Variants in TXNDC16 observed in about 807,000 individuals in gnomAD.
TXNDC16 encodes thioredoxin domain-containing protein 16.
In TXNDC16, 74 loss-of-function variants were observed where a neutral mutation model predicts 85.6. That is an observed-to-expected ratio of 0.86 (90% confidence interval 0.72 to 1.05). TXNDC16 has a LOEUF of 1.05. TXNDC16 is among the 50% of genes least tolerant of loss of function. The pLI is 0.00. For missense variants in TXNDC16, 959 were observed against 947.0 expected (o/e 1.01, Z -0.17); for synonymous variants, 335 against 326.5 (o/e 1.03, Z -0.28).
At chr14:52,469,404 T>C (rs2035851132) in intron 16 of TXNDC16, among the ~76,000 whole-genome samples, 1 of 151,830 alleles carries the variant, frequency 6.6e-6, no homozygotes, top group South Asian at 2.1e-4. Context: ...TCACCAAATA[T>C]TATGTAGCCA....
At chr14:52,440,751 TA>T in intron 18 of TXNDC16, 27 bp from the exon 19 acceptor site, 2 of 1,595,732 alleles carry the variant, frequency 1.3e-6, no homozygotes, top group Non-Finnish European at 8.5e-7. Context: ...ATAACAACAA[TA>T]AAAAATGCAT....
chr14:52,432,388 C>G lies in TXNDC16; in HGVS notation c.2394G>C (p.Lys798Asn). 2.5e-6 allele frequency: 4 copies of G among 1,613,956 alleles called. No individual in the cohort carries two copies. Among genetic ancestry groups the G allele is most frequent in the Non-Finnish European group, 3.4e-6 (4 of 1,179,938 alleles). The part of the protein sequence containing the change: ...RKEPIETLRI[K>N]HWNRSNWFKE... ...TAAACCAATTACTTCTATTCCAATG[C>G]TTTATTCTCAGAGTTTCAATCGGTT... The change falls in exon 21 of 21, where the codon AAG becomes AAC. Residue 798 changes from lysine to asparagine, a missense_variant. By Grantham distance (94) the Lys-to-Asn change is moderately conservative. Transcript: ENST00000281741.
Position 52,439,327 on chromosome 14 carries a change from G to GAA in TXNDC16, c.2069_2070dup (p.Leu691PhefsTer5). On this transcript the variant is annotated frameshift_variant, in exon 20 of 21. Transcript: ENST00000281741. LOFTEE classifies it high-confidence loss of function. ...CCTGAATGCAGATTCACCAAAACAA[G>GAA]AAGAGGAAGGGGAGGCAGAGGATCA... 1 of 1,614,042 alleles carries GAA rather than the reference G, an allele frequency of 6.2e-7. No individual in the cohort carries two copies. Among genetic ancestry groups the GAA allele is most frequent in the Non-Finnish European group, 8.5e-7 (1 of 1,179,972 alleles).
rs1186277277 is a variant in TXNDC16 at position 52,455,412 on chromosome 14, G to A, written c.1754C>T (p.Thr585Ile). ...TGGGATGCTCTCTATTTTGCCTTCT[G>A]TGTGTCTGGCAAGCAGCAGGGCTGG... is the stretch of plus-strand genomic sequence containing the variant. ...SLPALLLARH[T>I]EGKIESIPLA... The change falls in exon 18 of 21, where the codon ACA (threonine) becomes ATA (isoleucine). Residue 585 changes from threonine (T) to isoleucine (I), a missense_variant. Thr to Ile is a moderately conservative substitution (Grantham distance 89, BLOSUM62 -1). Coordinates refer to ENST00000281741, the MANE Select transcript of TXNDC16 (RefSeq NM_020784.3). The A allele has an allele frequency of 6.2e-7, 1 of 1,614,014 alleles. No individual in the cohort carries two copies. The highest frequency in any genetic ancestry group is 2.2e-5 in the East Asian group (1 of 44,878).
At chr14:52,548,426 A>G (rs532307847) in intron 1 of TXNDC16, among the ~76,000 whole-genome samples, 2 of 152,128 alleles carry the variant, frequency 1.3e-5, no homozygotes, top group Non-Finnish European at 2.9e-5. Context: ...TAATCACAAG[A>G]AACACTGCGC....
In TXNDC16 at chr14:52,502,540, A is replaced by C. The variant is rs543428077; in HGVS notation, c.756+8700T>G. 3.3e-5 allele frequency among the ~76,000 whole-genome samples: 5 copies of C among 152,336 alleles called. No homozygotes were observed. The South Asian group carries it at 6.2e-4, about 19-fold the overall frequency. On this transcript the variant is annotated intron_variant, in intron 9 of 20. Transcript: ENST00000281741. Reference sequence around the variant, plus strand: ...AAAACCACACTTAACTGAAGTCATTATGAAGTTTCCAAAGCTTTGGTTTTT... The same window carrying C: ...AAAACCACACTTAACTGAAGTCATTCTGAAGTTTCCAAAGCTTTGGTTTTT...
At chr14:52,502,327 A>G (rs2036677746) in intron 9 of TXNDC16, among the ~76,000 whole-genome samples, 1 of 152,234 alleles carries the variant, frequency 6.6e-6, no homozygotes, top group Non-Finnish European at 1.5e-5. Context: ...CCTACTCCAG[A>G]CTTTGATTAA....
intron 16 of TXNDC16, among the ~76,000 whole-genome samples, chr14:52,467,428 A>G (rs1202994861): frequency 6.6e-6 from 1 of 152,202 alleles, no homozygotes; most frequent in Non-Finnish European, 1.5e-5. Context: ...ATTTAAAAAC[A>G]GGCAAAGGAG....
At chr14:52,488,844 A>AAAAAAAAAAC (rs2036337321) in intron 11 of TXNDC16, among the ~76,000 whole-genome samples, 2 of 151,830 alleles carry the variant, frequency 1.3e-5, no homozygotes, top group Non-Finnish European at 2.9e-5. Flanking sequence ...AAAAAAAAAA[A>AAAAAAAAAAC]AAAAACAAGT....
chr14:52,469,801 C>A (rs2035860767), intron 16 of TXNDC16, among the ~76,000 whole-genome samples: 1 of 151,970 alleles, frequency 6.6e-6, no homozygotes, highest in African/African-American at 2.4e-5. Context: ...AGTTTTAGCC[C>A]AATTATGTTA....
intron 14 of TXNDC16, among the ~76,000 whole-genome samples, chr14:52,480,586 A>G (rs563564969): frequency 5.2e-4 from 79 of 152,202 alleles, no homozygotes; most frequent in African/African-American, 1.8e-3. Context: ...AACAACACCA[A>G]TGATCAGGGA....
intron 9 of TXNDC16, among the ~76,000 whole-genome samples, chr14:52,504,100 T>C (rs1319604959): frequency 1.3e-5 from 2 of 152,186 alleles, no homozygotes; most frequent in Non-Finnish European, 2.9e-5. Flanking sequence ...CTGACTGGTA[T>C]ACCTGAAAGT....
chr14:52,456,752 A>C (rs1015902862), intron 17 of TXNDC16, among the ~76,000 whole-genome samples: 1 of 152,190 alleles, frequency 6.6e-6, no homozygotes, highest in Non-Finnish European at 1.5e-5. Context: ...GGGGGTAAAT[A>C]AAACCTCAGA....
intron 4 of TXNDC16, among the ~76,000 whole-genome samples, chr14:52,540,800 A>T (rs952304307): frequency 1.3e-5 from 2 of 152,244 alleles, no homozygotes; most frequent in East Asian, 3.8e-4. Flanking sequence ...CCAAAAGAAG[A>T]TTAAATATGG....
At chr14:52,528,874 T>G (rs889519440) in intron 6 of TXNDC16, among the ~76,000 whole-genome samples, 1 of 117,492 alleles carries the variant, frequency 8.5e-6, no homozygotes, top group East Asian at 2.0e-4. Context: ...TAATACCTAT[T>G]ATATATATTA....
chr14:52,458,108 A>C (rs2035574401), intron 16 of TXNDC16, among the ~76,000 whole-genome samples: 1 of 152,222 alleles, frequency 6.6e-6, no homozygotes, highest in South Asian at 2.1e-4. Context: ...TCATGATGTA[A>C]GCATTCAACA....
intron 6 of TXNDC16, among the ~76,000 whole-genome samples, chr14:52,530,343 ATATAT>A (rs1340407711): frequency 2.2e-5 from 1 of 45,724 alleles, no homozygotes; most frequent in Non-Finnish European, 3.4e-5. Context: ...ATATATAATT[ATATAT>A]TATAATATAA....
chr14:52,482,313 CAG>C (rs768212815), intron 13 of TXNDC16, 24 bp from the exon 14 acceptor site: 3 of 1,593,048 alleles, frequency 1.9e-6, no homozygotes, highest in Non-Finnish European at 2.6e-6. Context: ...AAAAATTCAA[CAG>C]ATATTACATG....
Position 52,513,111 on chromosome 14 carries a change from G to C in TXNDC16, c.606-1721C>G, listed in dbSNP as rs148282087. Among the ~76,000 whole-genome samples the C allele has an allele frequency of 9.5e-4, 145 of 152,252 alleles. No individual in the cohort carries two copies. The East Asian group carries it at 0.019, about 20-fold the overall frequency. On this transcript the variant is annotated intron_variant, in intron 8 of 20. Coordinates refer to ENST00000281741, the MANE Select transcript of TXNDC16 (RefSeq NM_020784.3). ...AGGGAATATAGGGAAGTAGCAGAAAGTACTGGAGTCTATGGCATGCTATCT... is the reference window on the plus strand; with the variant it reads ...AGGGAATATAGGGAAGTAGCAGAAACTACTGGAGTCTATGGCATGCTATCT...
Sources: gnomAD v4.1 joint callset for allele counts (sites outside exome capture counted in the v4.1 genomes callset) on GRCh38, gnomAD v4.1.1 for gene constraint, MANE v1.5 for transcripts, NCBI Gene and HGNC (gene_info 2026-07-23, HGNC 2026-07-21) for gene names.